Variants in PACRG observed in about 807,000 individuals in gnomAD.
PACRG encodes the protein parkin coregulated.
PACRG carries 29 observed loss-of-function variants against 29.7 expected under a neutral mutation model. That is an observed-to-expected ratio of 0.98 (90% confidence interval 0.73 to 1.33). The LOEUF is 1.33. PACRG is among the 40% of genes most tolerant of loss of function. The probability of loss-of-function intolerance (pLI) is 0.00; values close to 1 mark genes in which losing one functional copy is unlikely to be tolerated. For missense variants in PACRG, 279 were observed against 316.2 expected (o/e 0.88, Z 0.89); for synonymous variants, 116 against 118.7 (o/e 0.98, Z 0.15).
chr6:162,849,113 C>G (rs1005266268), intron 2 of PACRG, among the ~76,000 whole-genome samples: 1 of 152,060 alleles, frequency 6.6e-6, no homozygotes, highest in Non-Finnish European at 1.5e-5. Context: ...TACCGTAACA[C>G]GAAAAGACCA....
intron 2 of PACRG, among the ~76,000 whole-genome samples, chr6:162,910,018 G>A (rs988943200): frequency 6.6e-5 from 10 of 152,196 alleles, no homozygotes; most frequent in African/African-American, 2.4e-4. Context: ...TAGAATGCCT[G>A]GGCTCAGATT....
chr6:162,792,277 C>T (rs1183603661), intron 1 of PACRG, among the ~76,000 whole-genome samples: 2 of 152,026 alleles, frequency 1.3e-5, no homozygotes, highest in Non-Finnish European at 2.9e-5. Context: ...CTGACCATGA[C>T]TTTAAACTGG....
chr6:163,259,577 C>T (rs1783244530), intron 4 of PACRG, among the ~76,000 whole-genome samples: 1 of 152,222 alleles, frequency 6.6e-6, no homozygotes, highest in Admixed American at 6.5e-5. Flanking sequence ...CTCTTCGGCT[C>T]CACTGGTCAT....
rs138747308 is a variant in PACRG at position 162,880,673 on chromosome 6, A to G, written c.291+66392A>G. 2.0e-4 allele frequency among the ~76,000 whole-genome samples: 31 copies of G among 152,380 alleles called. 1 individual carries two copies. In the East Asian group the frequency reaches 5.2e-3, roughly 26 times the overall value. Reference sequence around the variant, plus strand: ...ATGCTTTAGAAAAGATAAAATGAAAATTTATATTCCTTTTAGAATAAAACA... The same window carrying G: ...ATGCTTTAGAAAAGATAAAATGAAAGTTTATATTCCTTTTAGAATAAAACA... On this transcript the variant is annotated intron_variant, in intron 2 of 4. Coordinates refer to ENST00000366888, the MANE Select transcript of PACRG (RefSeq NM_001080379.2).
chr6:162,764,641 A>T (rs1782638986), intron 1 of PACRG, among the ~76,000 whole-genome samples: 1 of 152,098 alleles, frequency 6.6e-6, no homozygotes, highest in Non-Finnish European at 1.5e-5. Flanking sequence ...CTATATTTGA[A>T]TGGACTATCC....
chr6:163,205,415 C>G (rs1452918948), intron 4 of PACRG, among the ~76,000 whole-genome samples: 1 of 152,108 alleles, frequency 6.6e-6, no homozygotes, highest in African/African-American at 2.4e-5. Context: ...AGGCTGCACA[C>G]CTACAACCAT....
intron 3 of PACRG, among the ~76,000 whole-genome samples, chr6:163,074,768 A>G (rs1272696459): frequency 1.3e-5 from 2 of 152,224 alleles, no homozygotes; most frequent in Non-Finnish European, 2.9e-5. Flanking sequence ...ACCAAAAACC[A>G]AATGTTGGTT....
At chr6:163,240,779 G>A (rs756818951) in intron 4 of PACRG, among the ~76,000 whole-genome samples, 1 of 152,212 alleles carries the variant, frequency 6.6e-6, no homozygotes, top group Admixed American at 6.5e-5. Context: ...TGGAGGGAAC[G>A]TGGTCCATTC....
intron 2 of PACRG, among the ~76,000 whole-genome samples, chr6:163,056,763 C>T (rs776067220): frequency 6.6e-5 from 10 of 152,132 alleles, no homozygotes; most frequent in Admixed American, 2.0e-4. Flanking sequence ...TAATCAGAAG[C>T]CAACATGGCA....
chr6:162,996,219 C>T (rs963825675), intron 2 of PACRG, among the ~76,000 whole-genome samples: 1 of 152,096 alleles, frequency 6.6e-6, no homozygotes, highest in Non-Finnish European at 1.5e-5. Context: ...TTGTGGTGAT[C>T]ATTTCACAGT....
intron 4 of PACRG, among the ~76,000 whole-genome samples, chr6:163,093,013 GT>G (rs1318110871): frequency 6.6e-6 from 1 of 152,182 alleles, no homozygotes; most frequent in East Asian, 1.9e-4. Context: ...GCTTCAAATG[GT>G]TCATTTTGGC....
chr6:163,125,802 T>C (rs1816490834), intron 4 of PACRG, among the ~76,000 whole-genome samples: 1 of 152,156 alleles, frequency 6.6e-6, no homozygotes, highest in African/African-American at 2.4e-5. Flanking sequence ...ACCCCTAAAC[T>C]CTACTCCTAG....
intron 2 of PACRG, among the ~76,000 whole-genome samples, chr6:162,846,645 C>T (rs1169722835): frequency 6.6e-6 from 1 of 152,212 alleles, no homozygotes; most frequent in African/African-American, 2.4e-5. Context: ...GTGCCACCCT[C>T]CAGTGGCTGT....
At chr6:163,168,371 G>T (rs1778916495) in intron 4 of PACRG, among the ~76,000 whole-genome samples, 1 of 152,196 alleles carries the variant, frequency 6.6e-6, no homozygotes, top group African/African-American at 2.4e-5. Flanking sequence ...TCAGGAGGCT[G>T]AGGCAGGAGC....
chr6:163,280,132 C>G (rs1184477300), intron 4 of PACRG, among the ~76,000 whole-genome samples: 1 of 152,236 alleles, frequency 6.6e-6, no homozygotes, highest in Non-Finnish European at 1.5e-5. Context: ...GGCCTCTGCT[C>G]AGTCTCCTTT....
At chr6:163,098,655 C>T (rs1454640995) in intron 4 of PACRG, among the ~76,000 whole-genome samples, 4 of 152,012 alleles carry the variant, frequency 2.6e-5, no homozygotes, top group East Asian at 3.9e-4. Flanking sequence ...TTGGATCTCA[C>T]GCAAGACAGA....
At chr6:162,796,041 C>T (rs1785354373) in intron 1 of PACRG, among the ~76,000 whole-genome samples, 1 of 152,146 alleles carries the variant, frequency 6.6e-6, no homozygotes, top group Non-Finnish European at 1.5e-5. Flanking sequence ...CATCATTCCC[C>T]AATGTTTTAA....
chr6:163,081,311 A>G (rs1813051975), intron 3 of PACRG, among the ~76,000 whole-genome samples: 1 of 152,240 alleles, frequency 6.6e-6, no homozygotes, highest in African/African-American at 2.4e-5. Context: ...ATTCATAAAG[A>G]CAAAAAGTAG....
chr6:162,862,251 G>A (rs1791921870), intron 2 of PACRG, among the ~76,000 whole-genome samples: 1 of 152,126 alleles, frequency 6.6e-6, no homozygotes, highest in Non-Finnish European at 1.5e-5. Flanking sequence ...CACCTTTCAC[G>A]AGACTCCGGA....
Sources: gnomAD v4.1 joint callset for allele counts (sites outside exome capture counted in the v4.1 genomes callset) on GRCh38, gnomAD v4.1.1 for gene constraint, MANE v1.5 for transcripts, NCBI Gene and HGNC (gene_info 2026-07-23, HGNC 2026-07-21) for gene names.